The following UNKL variants were observed in gnomAD, a reference collection of about 807,000 sequenced individuals.
The protein encoded by UNKL is unk like zinc finger.
A neutral mutation model predicts 78.0 loss-of-function variants in UNKL; 60 were observed. The observed-to-expected ratio is 0.77, with a 90% CI of 0.63 to 0.95. The LOEUF is 0.95. Among genes scored for constraint, UNKL ranks in the 40% least tolerant of loss-of-function variants. UNKL has a pLI of 0.00. For missense variants in UNKL, 1,159 were observed against 1,045.7 expected (o/e 1.11, Z -1.49); for synonymous variants, 608 against 474.8 (o/e 1.28, Z -3.65).
chr16:1,398,911 C>T, intron 5 of UNKL: 1 of 1,567,232 alleles, frequency 6.4e-7, no homozygotes, highest in South Asian at 1.2e-5. Flanking sequence ...CCCTGGGACT[C>T]AGCCTAAGGA....
At chr16:1,410,023 G>A (rs534694881) in intron 2 of UNKL, among the ~76,000 whole-genome samples, 1 of 152,018 alleles carries the variant, frequency 6.6e-6, no homozygotes. Flanking sequence ...GAGGATACAG[G>A]AGCCCAGATC....
chr16:1,407,665 C>A (rs1395078521), intron 2 of UNKL, among the ~76,000 whole-genome samples: 4 of 149,946 alleles, frequency 2.7e-5, no homozygotes, highest in African/African-American at 9.8e-5. Context: ...CACTGCACTC[C>A]AGCCTGGGCG....
rs2142186185 is a variant in UNKL, at chr16:1,399,216, C to A, written c.734+158G>T. The stretch of plus-strand genomic sequence containing the variant: ...AGACGCGTGGGCCTCCATGGCACCT[C>A]CCACAGCCACTGTGCTTGGAGATGC... On this transcript the variant is annotated intron_variant, in intron 5 of 14. Transcript: ENST00000389221. This position sits in a 1 kb window ranked among gnomAD's most constrained non-coding sequence, Gnocchi z 5.8. 7.7e-7 allele frequency: 1 copy of A among 1,302,926 alleles called. No homozygotes were observed. The highest frequency in any genetic ancestry group is 2.6e-5 in the East Asian group (1 of 38,646). 80.7% of individuals were successfully genotyped at this position (1,302,926 alleles called of 1,614,324 possible). A position where few individuals can be genotyped will look rare whatever the true frequency, so the allele number is the denominator to read the frequency against.
intron 6 of UNKL, 60 bp from the exon 7 acceptor site, chr16:1,394,275 C>G (rs972761127): frequency 2.0e-6 from 3 of 1,520,564 alleles, no homozygotes; most frequent in Non-Finnish European, 1.8e-6. Flanking sequence ...GGAAAGACCA[C>G]AGCTGGCATC....
chr16:1,407,657 C>A (rs2037827580), intron 2 of UNKL, among the ~76,000 whole-genome samples: 1 of 150,404 alleles, frequency 6.6e-6, no homozygotes, highest in African/African-American at 2.5e-5. Context: ...GATCACACCA[C>A]TGCACTCCAG....
In UNKL at chr16:1,373,043, A is replaced by G. The variant is rs1162252571; in HGVS notation, c.1265-1432T>C. On this transcript the variant is annotated intron_variant, in intron 10 of 14. Transcript: ENST00000389221. ...CACCGCAGAGACCTCAGCAGCGTGG[A>G]GCACACCACACAGGGACTGCCGGCC... Among the ~76,000 whole-genome samples, 9 of 9,152 alleles carry G rather than the reference A, an allele frequency of 9.8e-4. 4 individuals are homozygous for G. In the Admixed American group the frequency reaches 0.012, roughly 12 times the overall value. 6.0% of individuals were successfully genotyped at this position (9,152 alleles called of 152,430 possible).
chr16:1,405,665 G>A (rs1167948677), intron 2 of UNKL, among the ~76,000 whole-genome samples: 2 of 151,966 alleles, frequency 1.3e-5, no homozygotes, highest in African/African-American at 4.8e-5. Context: ...CTAAGAGAAA[G>A]CACAGAGCCA....
At chr16:1,381,124 G>A (rs1338841683) in intron 10 of UNKL, among the ~76,000 whole-genome samples, 1 of 152,170 alleles carries the variant, frequency 6.6e-6, no homozygotes, top group Non-Finnish European at 1.5e-5. Context: ...TCAGCTACGC[G>A]GATGCAGCCA....
At position 1,366,167 on chromosome 16, in the gene UNKL, TGAC is replaced by T. The variant is rs1345935179; in HGVS notation, c.*70_*72del. On this transcript the variant is annotated 3_prime_UTR_variant, in exon 15 of 15. Coordinates refer to ENST00000389221, the MANE Select transcript of UNKL (RefSeq NM_001372107.1). ...TCACGTCGGTGGCACCAGAAGCGAG[TGAC>T]GACATGTCCGTGGTCAGGAGGAGCG... 3.6e-6 allele frequency: 5 copies of T among 1,402,510 alleles called. No individual in the cohort carries two copies. The highest frequency in any genetic ancestry group is 2.9e-5 in the African/African-American group (2 of 69,130). 86.9% of individuals were successfully genotyped at this position (1,402,510 alleles called of 1,614,324 possible).
intron 6 of UNKL, 125 bp downstream of exon 6, chr16:1,397,053 G>C (rs1009975049): frequency 1.9e-6 from 2 of 1,063,094 alleles, no homozygotes; most frequent in Non-Finnish European, 2.7e-6. Context: ...CAGGCTTCCC[G>C]ACCTGTGCCA....
At chr16:1,379,791 C>A in intron 10 of UNKL, 1 of 807,224 alleles carries the variant, frequency 1.2e-6, no homozygotes, top group Non-Finnish European at 1.5e-6. Flanking sequence ...CCCAACCTTC[C>A]CCCCGACTCG....
intron 9 of UNKL, 139 bp downstream of exon 9, chr16:1,390,492 CT>C: frequency 1.2e-6 from 1 of 835,456 alleles, no homozygotes. Flanking sequence ...AACCAGATGG[CT>C]TTGCGAGCCG....
chr16:1,368,882 CTTTG>C (rs2035539271), intron 12 of UNKL, among the ~76,000 whole-genome samples: 1 of 151,994 alleles, frequency 6.6e-6, no homozygotes, highest in South Asian at 2.1e-4. Context: ...CAGAGTGAAA[CTTTG>C]TTTTAAAAAA....
chr16:1,398,750 C>T lies in UNKL; in HGVS notation c.734+624G>A, dbSNP rs546700141. 5.2e-4 allele frequency: 796 copies of T among 1,517,138 alleles called. 8 individuals are homozygous for T. In the Admixed American group the frequency reaches 0.015, roughly 29 times the overall value. 94.0% of individuals were successfully genotyped at this position (1,517,138 alleles called of 1,614,324 possible). On this transcript the variant is annotated intron_variant, in intron 5 of 14. Coordinates refer to ENST00000389221, the MANE Select transcript of UNKL (RefSeq NM_001372107.1). ...AGCCAGGCCAGGCACAACCAGAAGG[C>T]CGGGCTGGAGCAAGGAGGAGAAAGG...
intron 2 of UNKL, among the ~76,000 whole-genome samples, chr16:1,406,759 T>C (rs1382064328): frequency 6.6e-6 from 1 of 152,138 alleles, no homozygotes; most frequent in Admixed American, 6.6e-5. Context: ...CACCCTGAAG[T>C]GAGTGGAACT....
intron 10 of UNKL, among the ~76,000 whole-genome samples, chr16:1,384,171 G>A (rs1318514740): frequency 6.6e-6 from 1 of 152,146 alleles, no homozygotes; most frequent in Non-Finnish European, 1.5e-5. Context: ...AAGCGTCTCT[G>A]CAAGCAAAGC....
chr16:1,363,990 G>A lies in UNKL; in HGVS notation c.*2250C>T, dbSNP rs1249084596. 2 of 152,220 alleles carry A rather than the reference G, an allele frequency of 1.3e-5. No individual in the cohort carries two copies. The highest frequency in any genetic ancestry group is 2.9e-5 in the Non-Finnish European group (2 of 68,046). The allele number at this position is 152,220 out of a possible 1,614,324, so 9.4% of individuals were successfully genotyped here. A position where few individuals can be genotyped will look rare whatever the true frequency, so the allele number is the denominator to read the frequency against. ...AGAGCAGCTGGCAGACTAGAGCTCA[G>A]CTGCTCCTGACCACTGACAACCGGG... On this transcript the variant is annotated 3_prime_UTR_variant, in exon 15 of 15. Coordinates refer to ENST00000389221, the MANE Select transcript of UNKL (RefSeq NM_001372107.1).
chr16:1,391,518 C>T (rs900663298), intron 8 of UNKL, among the ~76,000 whole-genome samples: 1 of 152,068 alleles, frequency 6.6e-6, no homozygotes, highest in Non-Finnish European at 1.5e-5. Context: ...AGGCGGGTCT[C>T]GAACTCCTGA....
chr16:1,403,080 G>T lies in UNKL; in HGVS notation c.464+88C>A. The T allele has an allele frequency of 7.0e-7, 1 of 1,428,650 alleles. No homozygotes were observed. 88.5% of individuals were successfully genotyped at this position (1,428,650 alleles called of 1,614,324 possible). A position where few individuals can be genotyped will look rare whatever the true frequency, so the allele number is the denominator to read the frequency against. On this transcript the variant is annotated intron_variant, in intron 3 of 14. Transcript: ENST00000389221. This position sits in a 1 kb window ranked among gnomAD's most constrained non-coding sequence, Gnocchi z 4.8. ...GGCCAGCAGAGCCTGCAGCAGCAGG[G>T]AGGCGAGCCACTTGCCGAGTTCCTG...
Sources: gnomAD v4.1 joint callset for allele counts (sites outside exome capture counted in the v4.1 genomes callset) on GRCh38, gnomAD v4.1.1 for gene constraint, Gnocchi (gnomAD v3.1) non-coding constraint, MANE v1.5 for transcripts, NCBI Gene and HGNC (gene_info 2026-07-23, HGNC 2026-07-21) for gene names.